CLIP1: variants seen among roughly 807,000 people sequenced by gnomAD.
CLIP1 encodes CAP-Gly domain-containing linker protein 1.
CLIP1 carries 66 observed loss-of-function variants against 161.6 expected under a neutral mutation model. The ratio of observed to expected loss-of-function variants is 0.41; its 90% CI spans 0.33 to 0.50. CLIP1 has a LOEUF of 0.50. CLIP1 is among the 20% of genes least tolerant of loss of function. CLIP1 has a pLI of 0.27. For missense variants in CLIP1, 1,376 were observed against 1,702.0 expected, an observed-to-expected ratio of 0.81 and a Z score of 3.37; for synonymous variants, 598 against 626.2, an observed-to-expected ratio of 0.96 and a Z score of 0.67.
rs1188200871 is a variant in CLIP1, at chr12:122,279,023, T to C, written c.3765+5A>G. 1.2e-6 allele frequency: 2 copies of C among 1,611,222 alleles called. No homozygotes were observed. Among genetic ancestry groups the C allele is most frequent in the African/African-American group, 1.3e-5 (1 of 74,786 alleles). On this transcript the variant is annotated splice_donor_5th_base_variant and intron_variant, in intron 22 of 25. Transcript: ENST00000620786. The surrounding 1 kb of genome is among the most constrained non-coding windows in gnomAD (Gnocchi z 4.5). ...AAAGCTCGTGCACCCTGGGTGGTACTCTACCTCATTTCTCAGTTTCTCCAG... is the reference window on the plus strand; with the variant it reads ...AAAGCTCGTGCACCCTGGGTGGTACCCTACCTCATTTCTCAGTTTCTCCAG...
chr12:122,347,789 T>C (rs1952820134), intron 9 of CLIP1, among the ~76,000 whole-genome samples: 1 of 152,168 alleles, frequency 6.6e-6, no homozygotes, highest in East Asian at 1.9e-4. Context: ...ATAAGTGAAG[T>C]TTATCAGCAC....
At chr12:122,319,438 A>G in intron 17 of CLIP1, 90 bp from the exon 18 acceptor site, 1 of 935,404 alleles carries the variant, frequency 1.1e-6, no homozygotes, top group Admixed American at 1.8e-5. Flanking sequence ...GGCAGCACTC[A>G]GTGTCTGTGT....
At position 122,324,355 on chromosome 12, in the gene CLIP1, G is replaced by C. The variant is rs368711260; in HGVS notation, c.3249+3592C>G. The stretch of plus-strand genomic sequence containing the variant: ...CTGACATTAGTTCAATTTCTTTTTT[G>C]GCTGATGTTAACAAATAAGTTAGCG... On this transcript the variant is annotated intron_variant, in intron 17 of 25. Transcript: ENST00000620786. 11 of 152,436 alleles carry C rather than the reference G, an allele frequency of 7.2e-5. No individual in the cohort carries two copies. The South Asian group carries it at 2.1e-3, about 29-fold the overall frequency. 9.4% of individuals were successfully genotyped at this position (152,436 alleles called of 1,614,324 possible). A position where few individuals can be genotyped will look rare whatever the true frequency, so the allele number is the denominator to read the frequency against.
intron 24 of CLIP1, 106 bp from the exon 25 acceptor site, chr12:122,274,268 A>G (rs1955300987): frequency 2.2e-6 from 2 of 898,378 alleles, no homozygotes; most frequent in Non-Finnish European, 3.5e-6. Flanking sequence ...CAAAGTGTGC[A>G]GAAGGGGCCA....
chr12:122,414,470 T>G (rs1340856505), intron 1 of CLIP1, among the ~76,000 whole-genome samples: 4 of 151,596 alleles, frequency 2.6e-5, no homozygotes, highest in African/African-American at 9.7e-5. Context: ...TTTGTTTTGT[T>G]GTTTCTTTTT....
intron 1 of CLIP1, among the ~76,000 whole-genome samples, chr12:122,386,925 C>G (rs1302665603): frequency 2.6e-5 from 4 of 152,092 alleles, no homozygotes; most frequent in Non-Finnish European, 5.9e-5. Context: ...GGGTCTTGCC[C>G]TGTTGCTCAA....
At chr12:122,321,204 A>G (rs1156998775) in intron 17 of CLIP1, among the ~76,000 whole-genome samples, 4 of 151,966 alleles carry the variant, frequency 2.6e-5, no homozygotes, top group Non-Finnish European at 4.4e-5. Context: ...GTTAAAAGCC[A>G]AACAGAAGAC....
rs1566140684 is a variant in CLIP1, at chr12:122,341,057, T to G, written c.2147A>C (p.Lys716Thr). The change falls in exon 11 of 26, where the codon AAA (lysine) becomes ACA (threonine). Residue 716 changes from lysine to threonine, a missense_variant. Lys to Thr is a moderately conservative substitution (Grantham distance 78). Transcript: ENST00000620786. ...KENSLEAIRS[K>T]LDKAEDQHLV... ...ATGCTGGTCTTCTGCTTTGTCCAGT[T>G]TCGACCTGATGGCTTCCAGACTGTT... 1 of 1,614,160 alleles carries G rather than the reference T, an allele frequency of 6.2e-7. No homozygotes were observed. The highest frequency in any genetic ancestry group is 8.5e-7 in the Non-Finnish European group (1 of 1,180,040).
intron 1 of CLIP1, chr12:122,399,866 G>A (rs1212881280): frequency 6.6e-6 from 1 of 152,152 alleles, no homozygotes; most frequent in East Asian, 1.9e-4. Context: ...CAGAAGGTCA[G>A]GGGAGAGACG....
intron 1 of CLIP1, among the ~76,000 whole-genome samples, chr12:122,390,221 T>C (rs181301647): frequency 0.024 from 3,122 of 130,064 alleles, 111 homozygotes; most frequent in African/African-American, 0.067. Context: ...CACATATATA[T>C]ACACACATAT....
chr12:122,357,895 G>T (rs1953553304), intron 5 of CLIP1, among the ~76,000 whole-genome samples: 1 of 151,944 alleles, frequency 6.6e-6, no homozygotes, highest in South Asian at 2.1e-4. Context: ...CTACTGGGAA[G>T]TGAGGAGCCC....
chr12:122,336,964 T>G (rs1952255962), intron 11 of CLIP1, among the ~76,000 whole-genome samples: 1 of 149,884 alleles, frequency 6.7e-6, no homozygotes, highest in African/African-American at 2.4e-5. Flanking sequence ...ATTTTTGTGT[T>G]TTTTTTTTTT....
chr12:122,384,002 T>A (rs1955127008), intron 1 of CLIP1, among the ~76,000 whole-genome samples: 1 of 152,208 alleles, frequency 6.6e-6, no homozygotes, highest in South Asian at 2.1e-4. Flanking sequence ...TAGAACATTA[T>A]AATTCAGAAA....
At chr12:122,392,207 A>C (rs549570380) in intron 1 of CLIP1, among the ~76,000 whole-genome samples, 1 of 152,230 alleles carries the variant, frequency 6.6e-6, no homozygotes, top group African/African-American at 2.4e-5. Context: ...TGAGGCCAAG[A>C]CTGCAGTGAC....
intron 10 of CLIP1, chr12:122,343,972 C>G (rs1359563864): frequency 6.6e-6 from 1 of 152,280 alleles, no homozygotes. Context: ...ATACCTAGCA[C>G]TTTGGGAGGC....
intron 19 of CLIP1, among the ~76,000 whole-genome samples, chr12:122,312,023 C>T (rs1951078683): frequency 6.6e-6 from 1 of 152,180 alleles, no homozygotes; most frequent in Admixed American, 6.5e-5. Context: ...TCTGGAAATA[C>T]TCAAGGAATG....
Position 122,278,888 on chromosome 12 carries a change from G to A in CLIP1, c.3820C>T (p.Gln1274Ter). Residue 1274 changes from glutamine to a stop codon, truncating the protein, a stop_gained, in exon 23 of 26, where the codon CAG becomes TAG. Transcript: ENST00000620786. LOFTEE classifies it high-confidence loss of function. ...ASAKSLHSVVQTLESDKVKLE... is the reference protein window; with the variant it reads ...ASAKSLHSVV ...TTCACCTTATCAGACTCTAGAGTCT[G>A]AACAACTGAATGCAAGGACTTGGCA... The A allele has an allele frequency of 6.2e-7, 1 of 1,613,362 alleles. No individual in the cohort carries two copies. The highest frequency in any genetic ancestry group is 8.5e-7 in the Non-Finnish European group (1 of 1,179,748).
chr12:122,387,568 ATATATATATATATATATATATATTTT>A (rs1194624001), intron 1 of CLIP1, among the ~76,000 whole-genome samples: 430 of 22,234 alleles, frequency 0.019, 13 homozygotes, highest in South Asian at 0.087. Flanking sequence ...ATATATATAT[ATATATATATATATATATATATATTTT>A]TTTTTTTTTT....
At chr12:122,416,999 C>CA (rs946947255) in intron 1 of CLIP1, among the ~76,000 whole-genome samples, 12 of 148,040 alleles carry the variant, frequency 8.1e-5, no homozygotes, top group Admixed American at 6.1e-4. Context: ...CCAAGAGTTC[C>CA]AAAAAAAAAT....
Sources: allele counts gnomAD v4.1 joint callset (sites outside exome capture counted in the v4.1 genomes callset), GRCh38; gene constraint gnomAD v4.1.1; non-coding constraint Gnocchi (gnomAD v3.1); transcripts MANE v1.5; gene names NCBI Gene and HGNC (gene_info 2026-07-23, HGNC 2026-07-21).